Variants in MYH8 observed in about 807,000 individuals in gnomAD.
MYH8 encodes the protein myosin-8.
MYH8 carries 168 observed loss-of-function variants against 233.2 expected under a neutral mutation model. The ratio of observed to expected loss-of-function variants is 0.72; its 90% CI spans 0.64 to 0.82. The LOEUF is 0.82. Ranked by LOEUF, MYH8 falls within the 40% of genes least tolerant of loss-of-function variation. The probability of loss-of-function intolerance (pLI) is 0.00; values close to 1 mark genes in which losing one functional copy is unlikely to be tolerated. For missense variants in MYH8, 1,995 were observed against 2,327.8 expected, an observed-to-expected ratio of 0.86 and a Z score of 2.94; for synonymous variants, 785 against 850.6, an observed-to-expected ratio of 0.92 and a Z score of 1.34.
At position 10,401,523 on chromosome 17, in the gene MYH8, T is replaced by C; in HGVS notation, c.2931+20A>G. Reference sequence around the variant, plus strand: ...TTGGTGGCAGAACCTCTATACAGTATTGTAAAATATGACTGATACCTTGTT... The same window carrying C: ...TTGGTGGCAGAACCTCTATACAGTACTGTAAAATATGACTGATACCTTGTT... On this transcript the variant is annotated intron_variant, in intron 23 of 39. Coordinates refer to ENST00000403437, the MANE Select transcript of MYH8 (RefSeq NM_002472.3). 6.2e-7 allele frequency: 1 copy of C among 1,614,192 alleles called. No homozygotes were observed. The highest frequency in any genetic ancestry group is 8.5e-7 in the Non-Finnish European group (1 of 1,180,024).
chr17:10,416,452 T>G (rs190397096), intron 5 of MYH8, among the ~76,000 whole-genome samples: 7 of 152,294 alleles, frequency 4.6e-5, no homozygotes, highest in African/African-American at 1.7e-4. Context: ...TGCTTCCAGT[T>G]CTTTTGGGGA....
chr17:10,404,196 T>C (rs2072166977), intron 22 of MYH8, 134 bp downstream of exon 22: 27 of 1,087,818 alleles, frequency 2.5e-5, no homozygotes, highest in Non-Finnish European at 3.5e-5. Context: ...CATAGAATAC[T>C]AAAAGATAAA....
At chr17:10,412,871 T>G (rs762244396) in intron 12 of MYH8, 143 bp from the exon 13 acceptor site, 17 of 819,668 alleles carry the variant, frequency 2.1e-5, no homozygotes, top group Non-Finnish European at 3.3e-5. Context: ...TTTTCTAACC[T>G]TAGAGCATGT....
Position 10,400,459 on chromosome 17 carries a change from C to T in MYH8, c.3666G>A (p.Lys1222=). ...TCTCCATCTTCAGCTCACTCTTCTC[C>T]TTCTCCAGCTTCTGTTTGACCCGCT... ...NLQRVKQKLE[K]EKSELKMETD... Residue 1222 remains lysine, a synonymous_variant, in exon 27 of 40, where the codon AAG becomes AAA. Transcript: ENST00000403437. This position sits in a 1 kb window ranked among gnomAD's most constrained non-coding sequence, Gnocchi z 4.0. 6.2e-7 allele frequency: 1 copy of T among 1,614,014 alleles called. No homozygotes were observed. Among genetic ancestry groups the T allele is most frequent in the South Asian group, 1.1e-5 (1 of 91,072 alleles).
rs1411515344 is a variant in MYH8 at position 10,401,387 on chromosome 17, T to G, written c.2996A>C (p.Lys999Thr). ...CTGGTGGGTCTCTTGGAGAGCCTTC[T>G]TCTCCTTGGACAGTTTTGCAATGGT... ...DETIAKLSKE[K>T]KALQETHQQT... Residue 999 changes from lysine (K) to threonine (T), a missense_variant, in exon 24 of 40, where the codon AAG (lysine) becomes ACG (threonine). Physicochemically the swap from Lys to Thr is moderately conservative, Grantham distance 78. Coordinates refer to ENST00000403437, the MANE Select transcript of MYH8 (RefSeq NM_002472.3). 4 of 1,614,104 alleles carry G rather than the reference T, an allele frequency of 2.5e-6. No homozygotes were observed. The highest frequency in any genetic ancestry group is 2.2e-5 in the South Asian group (2 of 91,080).
rs781746939 is a variant in MYH8, at chr17:10,396,313, T to C, written c.4653+17A>G. On this transcript the variant is annotated intron_variant, in intron 33 of 39. Coordinates refer to ENST00000403437, the MANE Select transcript of MYH8 (RefSeq NM_002472.3). The surrounding 1 kb of genome is among the most constrained non-coding windows in gnomAD (Gnocchi z 4.2). ...TTGTCTTTGTTTTTCCATAACATAA[T>C]ACAAGGTAATATGTACCTCTGCTTC... is the stretch of plus-strand genomic sequence containing the variant. The C allele has an allele frequency of 6.2e-7, 1 of 1,613,534 alleles. No individual in the cohort carries two copies. The highest frequency in any genetic ancestry group is 2.2e-5 in the East Asian group (1 of 44,876).
chr17:10,390,615 G>C lies in MYH8; in HGVS notation c.5665-12C>G, dbSNP rs1214056523. The C allele has an allele frequency of 1.9e-6, 3 of 1,613,478 alleles. No homozygotes were observed. The highest frequency in any genetic ancestry group is 2.5e-6 in the Non-Finnish European group (3 of 1,179,476). ...TTGGATTGTTCCTCCTAAGAATAGA[G>C]ATAAAATTGTGAGAATTAGACTGTG... is the stretch of plus-strand genomic sequence containing the variant. On this transcript the variant is annotated splice_polypyrimidine_tract_variant and intron_variant, in intron 39 of 39. Transcript: ENST00000403437.
intron 15 of MYH8, 105 bp downstream of exon 15, chr17:10,410,672 T>C: frequency 6.4e-7 from 1 of 1,566,328 alleles, no homozygotes; most frequent in African/African-American, 1.4e-5. Flanking sequence ...TTCCAGTTTG[T>C]TCAGATCACA....
chr17:10,394,996 AT>A (rs1567681616), intron 34 of MYH8, 136 bp downstream of exon 34: 4 of 945,194 alleles, frequency 4.2e-6, no homozygotes, highest in Non-Finnish European at 6.8e-6. Flanking sequence ...TTCTATGTGT[AT>A]TTAATTCAGT....
chr17:10,393,362 C>A lies in MYH8; in HGVS notation c.5167-152G>T, dbSNP rs559658341. On this transcript the variant is annotated intron_variant, in intron 35 of 39. Transcript: ENST00000403437. The stretch of plus-strand genomic sequence containing the variant: ...TTCAGTGGAAAATGTTAATTATTTG[C>A]AAGGTAGGAACTCCTTTCCCCCAAC... The A allele has an allele frequency of 4.4e-4, 500 of 1,143,266 alleles. 1 individual carries two copies. The African/African-American group carries it at 4.7e-3, about 11-fold the overall frequency. The allele number at this position is 1,143,266 out of a possible 1,614,324, so 70.8% of individuals were successfully genotyped here.
In MYH8 at chr17:10,396,630, A is replaced by C; in HGVS notation, c.4451T>G (p.Leu1484Arg). 1 of 1,614,246 alleles carries C rather than the reference A, an allele frequency of 6.2e-7. No homozygotes were observed. The highest frequency in any genetic ancestry group is 1.1e-5 in the South Asian group (1 of 91,082). ...QKESRSLSTE[L>R]FKVKNVYEES... ...CTCATAGACATTCTTCACCTTGAAC[A>C]GCTCAGTGCTAAGAGAACGTGACTC... is the stretch of plus-strand genomic sequence containing the variant. The change falls in exon 32 of 40, where the codon CTG becomes CGG. Residue 1484 changes from leucine (L) to arginine (R), a missense_variant. Physicochemically the swap from Leu to Arg is moderately radical, Grantham distance 102. Around this residue, in one of 3 missense-constraint regions of MYH8, gnomAD observed 1,498 missense variants for 1,680.9 expected, o/e 0.89. Transcript: ENST00000403437. The surrounding 1 kb of genome is among the most constrained non-coding windows in gnomAD (Gnocchi z 4.2).
Position 10,395,312 on chromosome 17 carries a change from T to C in MYH8, c.4783A>G (p.Arg1595Gly), listed in dbSNP as rs1420526673. 1 of 1,614,110 alleles carries C rather than the reference T, an allele frequency of 6.2e-7. No homozygotes were observed. The highest frequency in any genetic ancestry group is 1.7e-5 in the Admixed American group (1 of 60,006). Residue 1595 changes from arginine (R) to glycine (G), a missense_variant, in exon 34 of 40, where the codon AGA (arginine) becomes GGA (glycine). By Grantham distance (125) the Arg-to-Gly change is moderately radical. Around this residue, in one of 3 missense-constraint regions of MYH8, gnomAD observed 1,498 missense variants for 1,680.9 expected, o/e 0.89. Coordinates refer to ENST00000403437, the MANE Select transcript of MYH8 (RefSeq NM_002472.3). ...EIDQLKRNHTRVVETMQSTLD... is the reference protein window; with the variant it reads ...EIDQLKRNHTGVVETMQSTLD... Reference sequence around the variant, plus strand: ...GTGCTCTGCATTGTCTCCACGACTCTAGTGTGGTTTCTCTTCAGCTGGTCA... The same window carrying C: ...GTGCTCTGCATTGTCTCCACGACTCCAGTGTGGTTTCTCTTCAGCTGGTCA...
At chr17:10,391,802 C>T in intron 39 of MYH8, 80 bp downstream of exon 39, 1 of 1,048,738 alleles carries the variant, frequency 9.5e-7, no homozygotes, top group Non-Finnish European at 1.5e-6. Context: ...TTGTCTTCTT[C>T]CTTATTGACG....
In MYH8 at chr17:10,414,031, C is replaced by T. The variant is rs1474488948; in HGVS notation, c.1018G>A (p.Asp340Asn). 1 of 1,614,034 alleles carries T rather than the reference C, an allele frequency of 6.2e-7. No homozygotes were observed. Among genetic ancestry groups the T allele is most frequent in the South Asian group, 1.1e-5 (1 of 91,072 alleles). ...EELMATDSAI[D>N]ILGFTPEEKV... is the part of the protein sequence containing the mutation. ...TCTTCAGGAGTGAAGCCCAGGATGT[C>T]AATGGCACTCTACCAGGAAAAATGA... is the stretch of plus-strand genomic sequence containing the variant. The change falls in exon 12 of 40, where the codon GAC becomes AAC. Residue 340 changes from aspartate (D) to asparagine (N), a missense_variant. Asp to Asn is a conservative substitution (Grantham distance 23, BLOSUM62 1). Around this residue, in one of 3 missense-constraint regions of MYH8, gnomAD observed 479 missense variants for 600.9 expected, o/e 0.80. Coordinates refer to ENST00000403437, the MANE Select transcript of MYH8 (RefSeq NM_002472.3).
At position 10,415,036 on chromosome 17, in the gene MYH8, CA is replaced by C; in HGVS notation, c.805+79del. 7.4e-7 allele frequency: 1 copy of C among 1,345,000 alleles called. No homozygotes were observed. The highest frequency in any genetic ancestry group is 1.4e-5 in the African/African-American group (1 of 69,532). The allele number at this position is 1,345,000 out of a possible 1,614,324, so 83.3% of individuals were successfully genotyped here. A position where few individuals can be genotyped will look rare whatever the true frequency, so the allele number is the denominator to read the frequency against. On this transcript the variant is annotated intron_variant, in intron 9 of 39. Coordinates refer to ENST00000403437, the MANE Select transcript of MYH8 (RefSeq NM_002472.3). The surrounding 1 kb of genome is among the most constrained non-coding windows in gnomAD (Gnocchi z 4.1). ...GACTACCCTTTTAACAGGCTTCATG[CA>C]CAGCAAGGGTGGCAAAATATCCCTG...
At chr17:10,401,874 G>A in intron 22 of MYH8, 89 bp from the exon 23 acceptor site, 2 of 1,511,750 alleles carry the variant, frequency 1.3e-6, no homozygotes, top group South Asian at 2.3e-5. Flanking sequence ...GTGTTTTATT[G>A]AATTCTGTTG....
intron 39 of MYH8, 119 bp downstream of exon 39, chr17:10,391,763 C>A (rs1053790787): frequency 6.4e-6 from 5 of 785,160 alleles, no homozygotes; most frequent in East Asian, 2.5e-5. Context: ...TAAAATCATC[C>A]CTCTTAAAAT....
intron 38 of MYH8, 78 bp from the exon 39 acceptor site, chr17:10,392,055 G>A (rs2072030847): frequency 1.6e-6 from 2 of 1,220,374 alleles, no homozygotes; most frequent in Non-Finnish European, 2.4e-6. Context: ...AAATCATTTG[G>A]CATGATGGCA....
intron 24 of MYH8, 40 bp from the exon 25 acceptor site, chr17:10,401,231 A>G: frequency 6.2e-7 from 1 of 1,613,462 alleles, no homozygotes. Context: ...GAAAGTATAT[A>G]TTTTTAAAAA....
Sources: gnomAD v4.1 joint callset for allele counts (sites outside exome capture counted in the v4.1 genomes callset) on GRCh38, gnomAD v4.1.1 for gene constraint, gnomAD v4.1.1 regional missense constraint, Gnocchi (gnomAD v3.1) non-coding constraint, MANE v1.5 for transcripts, NCBI Gene and HGNC (gene_info 2026-07-23, HGNC 2026-07-21) for gene names.